The following TASP1 variants were observed in gnomAD, a reference collection of about 807,000 sequenced individuals.
TASP1 encodes the protein threonine aspartase 1.
In TASP1, 16 loss-of-function variants were observed where a neutral mutation model predicts 56.6. The ratio of observed to expected loss-of-function variants is 0.28; its 90% confidence interval spans 0.19 to 0.43. The LOEUF is 0.43. Ranked by LOEUF, TASP1 falls within the 20% of genes least tolerant of loss-of-function variation. The pLI is 1.00. For missense variants in TASP1, 393 were observed against 511.6 expected (o/e 0.77, Z 2.24); for synonymous variants, 179 against 184.2 (o/e 0.97, Z 0.23).
At chr20:13,192,707 G>A in the TASP1 span, among the ~76,000 whole-genome samples, 5 of 151,534 alleles carry the variant, frequency 3.3e-5, no homozygotes, top group South Asian at 4.2e-4. Context: ...TTCATTTGAC[G>A]ACTTTATTTA....
the TASP1 span, chr20:13,126,637 C>G: frequency 6.2e-7 from 1 of 1,614,024 alleles, no homozygotes; most frequent in Non-Finnish European, 8.5e-7. Flanking sequence ...GCTGTTTATG[C>G]TTCATCCATG....
chr20:13,396,879 A>G (rs1356253403), intron 13 of TASP1, among the ~76,000 whole-genome samples: 2 of 152,222 alleles, frequency 1.3e-5, no homozygotes, highest in Non-Finnish European at 2.9e-5. Context: ...AAAAAGTTCT[A>G]TTGTTCTCAC....
chr20:13,349,267 A>G, the TASP1 span, among the ~76,000 whole-genome samples: 32,911 of 152,132 alleles, frequency 0.22, 4,420 homozygotes, highest in African/African-American at 0.38. Context: ...ATCTGGTTCC[A>G]GTTTCATTTT....
intron 4 of TASP1, 44 bp downstream of exon 4, chr20:13,623,402 G>A: frequency 6.6e-7 from 1 of 1,518,232 alleles, no homozygotes; most frequent in Non-Finnish European, 9.1e-7. Flanking sequence ...GAACAATAAA[G>A]ATAAACTCAC....
the TASP1 span, among the ~76,000 whole-genome samples, chr20:13,193,160 C>CA: frequency 9.8e-4 from 149 of 151,452 alleles, 1 homozygote; most frequent in African/African-American, 3.5e-3. Context: ...TAATTAAAAC[C>CA]AAAAAAAGCA....
chr20:13,468,282 A>G (rs1442128578), intron 11 of TASP1, among the ~76,000 whole-genome samples: 1 of 152,142 alleles, frequency 6.6e-6, no homozygotes, highest in African/African-American at 2.4e-5. Context: ...CCAGAAAATC[A>G]CCAATGTCAT....
At chr20:13,215,519 G>A in the TASP1 span, among the ~76,000 whole-genome samples, 1 of 152,216 alleles carries the variant, frequency 6.6e-6, no homozygotes, top group Admixed American at 6.5e-5. Flanking sequence ...TTGCAGAAGA[G>A]GTCACTGGAG....
At chr20:13,565,025 ATATGG>A (rs2046474224) in intron 7 of TASP1, among the ~76,000 whole-genome samples, 1 of 151,014 alleles carries the variant, frequency 6.6e-6, no homozygotes, top group South Asian at 2.1e-4. Context: ...AAAAAAAAAA[ATATGG>A]AAATGGCATA....
chr20:13,164,445 T>G, the TASP1 span: 1 of 499,082 alleles, frequency 2.0e-6, no homozygotes, highest in African/African-American at 2.0e-5. Flanking sequence ...AGTCACTACA[T>G]TTTAAAATAA....
the TASP1 span, among the ~76,000 whole-genome samples, chr20:13,164,004 T>C: frequency 5.9e-5 from 9 of 152,274 alleles, 1 homozygote; most frequent in African/African-American, 2.2e-4. Context: ...GCTGCACCCA[T>C]TAACTCGTCA....
intron 4 of TASP1, among the ~76,000 whole-genome samples, chr20:13,588,603 A>G (rs1168502598): frequency 6.6e-6 from 1 of 152,238 alleles, no homozygotes; most frequent in Non-Finnish European, 1.5e-5. Flanking sequence ...ATACATTTTT[A>G]AAAGAAGTAT....
rs2043806523 is a variant in TASP1 at position 13,455,690 on chromosome 20, ATG to A, written c.986-20538_986-20537del. Among the ~76,000 whole-genome samples the A allele has an allele frequency of 2.0e-5, 3 of 152,248 alleles. No individual in the cohort carries two copies. The South Asian group carries it at 6.2e-4, about 32-fold the overall frequency. On this transcript the variant is annotated intron_variant, in intron 11 of 13. Coordinates refer to ENST00000337743, the MANE Select transcript of TASP1 (RefSeq NM_017714.3). Reference sequence around the variant, plus strand: ...TCCACATCAATTTGCAAGGAAAAAAATGTGTCTTGTTCATGCCCTGATTACAG... The same window carrying A: ...TCCACATCAATTTGCAAGGAAAAAAATGTCTTGTTCATGCCCTGATTACAG...
chr20:13,594,964 G>A (rs1286976718), intron 4 of TASP1, among the ~76,000 whole-genome samples: 1 of 151,986 alleles, frequency 6.6e-6, no homozygotes, highest in Non-Finnish European at 1.5e-5. Flanking sequence ...AAATGTTAAG[G>A]GCAGCCAGAA....
rs2045770043 is a variant in TASP1 at position 13,545,381 on chromosome 20, T to C, written c.676-11240A>G. On this transcript the variant is annotated intron_variant, in intron 8 of 13. Coordinates refer to ENST00000337743, the MANE Select transcript of TASP1 (RefSeq NM_017714.3). ...GACTCTAAATACCCAAAGCCTGTGT[T>C]TAGTTCAAATAGCCACAAGGATGGG... Among the ~76,000 whole-genome samples, 3 of 152,184 alleles carry C rather than the reference T, an allele frequency of 2.0e-5. No individual in the cohort carries two copies. In the South Asian group the frequency reaches 6.2e-4, roughly 31 times the overall value.
chr20:13,271,916 C>T, the TASP1 span, among the ~76,000 whole-genome samples: 1 of 152,074 alleles, frequency 6.6e-6, no homozygotes, highest in Non-Finnish European at 1.5e-5. Context: ...GTAGCTGGAA[C>T]TTCAAGTGTG....
chr20:13,315,840 A>G, the TASP1 span, among the ~76,000 whole-genome samples: 1 of 152,050 alleles, frequency 6.6e-6, no homozygotes, highest in African/African-American at 2.4e-5. Flanking sequence ...AAACAATAAC[A>G]GAAAGCTGAA....
rs549557120 is a variant in TASP1, at chr20:13,490,759, C to T, written c.875-7422G>A. On this transcript the variant is annotated intron_variant, in intron 10 of 13. Transcript: ENST00000337743. Reference sequence around the variant, plus strand: ...GGTTAGTATCTGTTCTGCAGTGAGACTCATGTTTGAATCCAGCAGGGTGAC... The same window carrying T: ...GGTTAGTATCTGTTCTGCAGTGAGATTCATGTTTGAATCCAGCAGGGTGAC... Among the ~76,000 whole-genome samples the T allele has an allele frequency of 3.3e-5, 5 of 150,890 alleles. No individual in the cohort carries two copies. In the South Asian group the frequency reaches 1.1e-3, roughly 32 times the overall value.
chr20:13,589,605 T>C (rs1333956519), intron 4 of TASP1, among the ~76,000 whole-genome samples: 4 of 151,590 alleles, frequency 2.6e-5, no homozygotes, highest in Non-Finnish European at 5.9e-5. Context: ...ACTAGGTAAA[T>C]AGGACTTCAT....
chr20:13,590,691 C>T lies in TASP1; in HGVS notation c.283-3321G>A, dbSNP rs6042231. 2.9e-4 allele frequency among the ~76,000 whole-genome samples: 44 copies of T among 150,964 alleles called. 1 individual carries two copies. The highest frequency in any genetic ancestry group is 9.9e-4 in the Admixed American group (15 of 15,192). ...GACCAGCCTGGCCAACATGGTGAAA[C>T]CCCATCTCTACTAAAAATACAAAAA... On this transcript the variant is annotated intron_variant, in intron 4 of 13. Transcript: ENST00000337743.
Sources: gnomAD v4.1 joint callset for allele counts (sites outside exome capture counted in the v4.1 genomes callset) on GRCh38, gnomAD v4.1.1 for gene constraint, MANE v1.5 for transcripts, NCBI Gene and HGNC (gene_info 2026-07-23, HGNC 2026-07-21) for gene names.